The following PCNX2 variants were observed in gnomAD, a reference collection of about 807,000 sequenced individuals.
The protein encoded by PCNX2 is pecanex 2, also known as pecanex-like protein 2.
In PCNX2, 168 loss-of-function variants were observed where a neutral mutation model predicts 223.8. That is an observed-to-expected ratio of 0.75 (90% CI 0.66 to 0.85). The LOEUF is 0.85. Among genes scored for constraint, PCNX2 ranks in the 40% least tolerant of loss-of-function variants. PCNX2 has a pLI of 0.00. For missense variants in PCNX2, 2,507 were observed against 2,675.5 expected (o/e 0.94, Z 1.39); for synonymous variants, 1,006 against 1,052.6 (o/e 0.96, Z 0.86).
intron 8 of PCNX2, among the ~76,000 whole-genome samples, chr1:233,248,271 C>T (rs1298130934): frequency 1.3e-5 from 2 of 151,910 alleles, no homozygotes; most frequent in Non-Finnish European, 1.5e-5. Flanking sequence ...GGAGAGCCAG[C>T]CCCTTCCAGT....
chr1:233,204,604 C>T (rs535313222), intron 13 of PCNX2, among the ~76,000 whole-genome samples: 1 of 152,314 alleles, frequency 6.6e-6, no homozygotes, highest in Non-Finnish European at 1.5e-5. Context: ...CTTTAAGTAG[C>T]CCTTGTGTTC....
At chr1:233,086,706 T>C (rs1673622337) in intron 23 of PCNX2, among the ~76,000 whole-genome samples, 1 of 151,806 alleles carries the variant, frequency 6.6e-6, no homozygotes, top group South Asian at 2.1e-4. Context: ...AAAAATAAAA[T>C]AAAATTCAGT....
chr1:233,239,559 C>T (rs189472357), intron 8 of PCNX2, among the ~76,000 whole-genome samples: 95 of 152,286 alleles, frequency 6.2e-4, no homozygotes, highest in Admixed American at 3.7e-3. Context: ...AAGTATACTA[C>T]TCACTATCTG....
chr1:233,189,828 A>G (rs1247897770), intron 15 of PCNX2, among the ~76,000 whole-genome samples: 1 of 152,222 alleles, frequency 6.6e-6, no homozygotes, highest in Non-Finnish European at 1.5e-5. Context: ...TAGTTTATCC[A>G]GACACAGAAA....
chr1:233,163,134 A>G (rs576141997), intron 17 of PCNX2, among the ~76,000 whole-genome samples: 2 of 98,906 alleles, frequency 2.0e-5, no homozygotes, highest in East Asian at 6.6e-4. Context: ...TTCCTATATT[A>G]TAATTTCTAA....
chr1:233,221,889 T>C (rs1441987611), intron 10 of PCNX2, among the ~76,000 whole-genome samples: 1 of 152,176 alleles, frequency 6.6e-6, no homozygotes, highest in African/African-American at 2.4e-5. Context: ...GGGAGCCAAT[T>C]TGCAAAGGAA....
chr1:233,139,622 G>T lies in PCNX2; in HGVS notation c.3659+92C>A. ...ACATGGCCAATCACAGTCGGTAAAGGTTGGCTTCTTCTGCAGATTGTTTAC... is the reference window on the plus strand; with the variant it reads ...ACATGGCCAATCACAGTCGGTAAAGTTTGGCTTCTTCTGCAGATTGTTTAC... On this transcript the variant is annotated intron_variant, in intron 20 of 33. Coordinates refer to ENST00000258229, the MANE Select transcript of PCNX2 (RefSeq NM_014801.4). The surrounding 1 kb of genome is among the most constrained non-coding windows in gnomAD (Gnocchi z 4.4). 7.1e-7 allele frequency: 1 copy of T among 1,412,680 alleles called. No homozygotes were observed. Among genetic ancestry groups the T allele is most frequent in the Non-Finnish European group, 9.6e-7 (1 of 1,044,862 alleles). 87.5% of individuals were successfully genotyped at this position (1,412,680 alleles called of 1,614,324 possible).
At chr1:233,068,975 T>A (rs1226639714) in intron 23 of PCNX2, among the ~76,000 whole-genome samples, 1 of 152,128 alleles carries the variant, frequency 6.6e-6, no homozygotes, top group African/African-American at 2.4e-5. Flanking sequence ...ATATTGTTAC[T>A]ACTTCAAATA....
At chr1:233,206,124 TC>T (rs937804914) in intron 13 of PCNX2, among the ~76,000 whole-genome samples, 7 of 151,950 alleles carry the variant, frequency 4.6e-5, no homozygotes, top group Admixed American at 2.6e-4. Context: ...AAGCCACAGA[TC>T]CCTGGGACCT....
chr1:233,074,166 T>C (rs1301621350), intron 23 of PCNX2, among the ~76,000 whole-genome samples: 1 of 152,206 alleles, frequency 6.6e-6, no homozygotes, highest in East Asian at 1.9e-4. Context: ...GAGAACATTC[T>C]TTGTATAATT....
chr1:233,184,905 G>C (rs182894665), intron 15 of PCNX2, among the ~76,000 whole-genome samples: 39 of 151,732 alleles, frequency 2.6e-4, no homozygotes, highest in African/African-American at 9.4e-4. Flanking sequence ...ATGTTTACTT[G>C]CCCAACCTCA....
intron 21 of PCNX2, among the ~76,000 whole-genome samples, chr1:233,122,073 T>TACAC (rs3033285): frequency 0.053 from 6,997 of 131,416 alleles, 189 homozygotes; most frequent in African/African-American, 0.076. Flanking sequence ...AGTTAGAAAG[T>TACAC]ACACACACAC....
chr1:233,134,725 G>A, intron 21 of PCNX2: 1 of 472,556 alleles, frequency 2.1e-6, no homozygotes, highest in Non-Finnish European at 3.7e-6. Context: ...TTAAGATCTA[G>A]GGAAATCTTA....
At chr1:233,094,925 TTCCTCC>T in intron 22 of PCNX2, among the ~76,000 whole-genome samples, 1 of 152,294 alleles carries the variant, frequency 6.6e-6, no homozygotes, top group East Asian at 1.9e-4. Flanking sequence ...AGTTAATTAG[TTCCTCC>T]AGGGATTCTG....
At chr1:233,291,564 C>A (rs1260719838) in intron 1 of PCNX2, 4 of 620,276 alleles carry the variant, frequency 6.4e-6, no homozygotes, top group East Asian at 2.9e-4. Context: ...GCCGAGATTG[C>A]GCCATTGCAC....
In PCNX2 at chr1:233,167,011, C is replaced by T. The variant is rs371752582; in HGVS notation, c.3274-5648G>A. The stretch of plus-strand genomic sequence containing the variant: ...AAAAAAGATACTAAAAACAGAACTA[C>T]CACGTGCCCCAGCAACCTCTCTTCT... On this transcript the variant is annotated intron_variant, in intron 17 of 33. Coordinates refer to ENST00000258229, the MANE Select transcript of PCNX2 (RefSeq NM_014801.4). 4.9e-4 allele frequency among the ~76,000 whole-genome samples: 75 copies of T among 152,162 alleles called. 1 individual carries two copies. The South Asian group carries it at 0.012, about 25-fold the overall frequency.
At chr1:233,212,096 T>TGGC (rs1681856071) in intron 12 of PCNX2, among the ~76,000 whole-genome samples, 2 of 152,210 alleles carry the variant, frequency 1.3e-5, no homozygotes, top group Non-Finnish European at 2.9e-5. Flanking sequence ...GATGATTTCG[T>TGGC]TTTTACTTTA....
chr1:233,207,964 T>A (rs12032186), intron 13 of PCNX2, among the ~76,000 whole-genome samples: 41,905 of 151,918 alleles, frequency 0.28, 6,424 homozygotes, highest in East Asian at 0.56. Flanking sequence ...ATTTATTTTT[T>A]TTTTTTTTGA....
chr1:233,059,085 C>G (rs1376250111), intron 23 of PCNX2, among the ~76,000 whole-genome samples: 1 of 152,182 alleles, frequency 6.6e-6, no homozygotes, highest in African/African-American at 2.4e-5. Flanking sequence ...TCTCCAGTAT[C>G]CTTTGCAAAT....
Sources: allele counts gnomAD v4.1 joint callset (sites outside exome capture counted in the v4.1 genomes callset), GRCh38; gene constraint gnomAD v4.1.1; non-coding constraint Gnocchi (gnomAD v3.1); transcripts MANE v1.5; gene names NCBI Gene and HGNC (gene_info 2026-07-23, HGNC 2026-07-21).